The following S100PBP variants were observed in gnomAD, a reference collection of about 807,000 sequenced individuals.
S100PBP encodes the protein S100P binding protein, also known as S100P-binding protein.
Under a neutral mutation model 39.9 loss-of-function variants are expected in S100PBP, and 15 were observed. The ratio of observed to expected loss-of-function variants is 0.38; its 90% CI spans 0.25 to 0.58. S100PBP has a LOEUF of 0.58. Among genes scored for constraint, S100PBP ranks in the 20% least tolerant of loss-of-function variants. The pLI, the probability that S100PBP is intolerant of heterozygous loss-of-function variation, is 0.70. For synonymous variants in S100PBP, 178 were observed against 180.3 expected (o/e 0.99, Z 0.10); for missense variants, 504 against 487.3 (o/e 1.03, Z -0.32).
rs977370220 is a variant in S100PBP at position 32,823,673 on chromosome 1, C to T, written c.-119-1640C>T. Among the ~76,000 whole-genome samples the T allele has an allele frequency of 2.0e-5, 3 of 152,306 alleles. No individual in the cohort carries two copies. The East Asian group carries it at 5.8e-4, about 29-fold the overall frequency. The stretch of plus-strand genomic sequence containing the variant: ...CTAATTCTAGAACTCTATAATCCCT[C>T]CCTTTGCTTCTCTTTCTCTAGTACT... On this transcript the variant is annotated intron_variant, in intron 1 of 6. Coordinates refer to ENST00000373475, the MANE Select transcript of S100PBP (RefSeq NM_022753.4).
At chr1:32,833,827 A>C (rs1254378459) in intron 5 of S100PBP, among the ~76,000 whole-genome samples, 1 of 152,180 alleles carries the variant, frequency 6.6e-6, no homozygotes, top group Non-Finnish European at 1.5e-5. Context: ...ACATATTAAT[A>C]GTTTATAATC....
At chr1:32,843,202 T>C (rs1247865900) in intron 5 of S100PBP, 1 of 152,238 alleles carries the variant, frequency 6.6e-6, no homozygotes, top group African/African-American at 2.4e-5. Context: ...GTTATCTTAT[T>C]GTCAGCAAAT....
chr1:32,836,920 A>G (rs946665583), intron 5 of S100PBP: 1 of 152,082 alleles, frequency 6.6e-6, no homozygotes, highest in Non-Finnish European at 1.5e-5. Context: ...AAAATTCTAA[A>G]TTTAAAATCA....
chr1:32,827,700 C>T (rs1477452401), intron 3 of S100PBP, among the ~76,000 whole-genome samples: 9 of 151,040 alleles, frequency 6.0e-5, no homozygotes, highest in African/African-American at 9.8e-5. Flanking sequence ...AGGATGGTCT[C>T]GAACTCCTGA....
At chr1:32,854,115 G>A (rs898944743) in intron 6 of S100PBP, among the ~76,000 whole-genome samples, 1 of 151,804 alleles carries the variant, frequency 6.6e-6, no homozygotes, top group Admixed American at 6.6e-5. Flanking sequence ...AAAAACCTTG[G>A]AATCATCTTT....
At chr1:32,842,236 T>C (rs1746660) in intron 5 of S100PBP, among the ~76,000 whole-genome samples, 1,200 of 80,844 alleles carry the variant, frequency 0.015, 16 homozygotes, top group Middle Eastern at 0.053. Context: ...TATATATATA[T>C]ACACACACAC....
chr1:32,834,021 C>T (rs1054170134), intron 5 of S100PBP: 3 of 326,970 alleles, frequency 9.2e-6, no homozygotes, highest in Admixed American at 4.0e-5. Flanking sequence ...ATGTACAATT[C>T]TTATTTCTAT....
chr1:32,827,783 GTTTTTTTT>G (rs35149609), intron 3 of S100PBP, among the ~76,000 whole-genome samples: 3 of 130,426 alleles, frequency 2.3e-5, no homozygotes, highest in African/African-American at 5.7e-5. Context: ...ACCTGGCCAG[GTTTTTTTT>G]TTTTTTTTTT....
At chr1:32,832,441 T>G (rs547587160) in intron 5 of S100PBP, among the ~76,000 whole-genome samples, 16 of 152,360 alleles carry the variant, frequency 1.1e-4, no homozygotes, top group Non-Finnish European at 2.1e-4. Context: ...ATTAAAAAGT[T>G]GTTTTTTAAG....
At chr1:32,847,828 C>A (rs1400397673) in intron 5 of S100PBP, 1 of 151,968 alleles carries the variant, frequency 6.6e-6, no homozygotes. Flanking sequence ...CACATTTTTT[C>A]TTTCCTTCTC....
Position 32,858,098 on chromosome 1 carries a change from T to A in S100PBP, c.*2060T>A, listed in dbSNP as rs1280684592. 1.3e-5 allele frequency: 2 copies of A among 152,454 alleles called. No homozygotes were observed. The highest frequency in any genetic ancestry group is 6.5e-5 in the Admixed American group (1 of 15,280). The allele number at this position is 152,454 out of a possible 1,614,324, so 9.4% of individuals were successfully genotyped here. On this transcript the variant is annotated 3_prime_UTR_variant, in exon 7 of 7. Transcript: ENST00000373475. ...GGACCATAGCATAGTTAAAATTAAA[T>A]GTAGTTGGAATAGCTAGCATTGCAG...
At chr1:32,848,231 C>T (rs1159458084) in intron 5 of S100PBP, among the ~76,000 whole-genome samples, 3 of 152,028 alleles carry the variant, frequency 2.0e-5, no homozygotes, top group Admixed American at 6.6e-5. Flanking sequence ...TGCTTGAAAC[C>T]GGAAGGCAGA....
Position 32,831,150 on chromosome 1 carries a change from C to T in S100PBP, c.1024+1083C>T, listed in dbSNP as rs764872502. On this transcript the variant is annotated intron_variant, in intron 5 of 6. Transcript: ENST00000373475. ...AGCAAACTTTCTCGAGTATTTCAGT[C>T]GTGGTAGTTTTGAAGATAAGGAATT... 9.2e-5 allele frequency among the ~76,000 whole-genome samples: 14 copies of T among 151,542 alleles called. 1 individual carries two copies. Among genetic ancestry groups the T allele is most frequent in the Middle Eastern group, 6.9e-3 (2 of 290 alleles).
chr1:32,821,156 T>C (rs1029532723), intron 1 of S100PBP, among the ~76,000 whole-genome samples: 1 of 152,064 alleles, frequency 6.6e-6, no homozygotes, highest in Admixed American at 6.6e-5. Flanking sequence ...AAATAAAACA[T>C]TGGCCGGGCG....
At chr1:32,851,690 GAAAAA>G (rs759496427) in intron 5 of S100PBP, among the ~76,000 whole-genome samples, 1 of 150,320 alleles carries the variant, frequency 6.7e-6, no homozygotes, top group Admixed American at 6.6e-5. Context: ...ACAAAAAAAA[GAAAAA>G]AAAAGTGTTT....
chr1:32,828,328 A>G lies in S100PBP; in HGVS notation c.920+247A>G, dbSNP rs1639432091. ...CTTGACAGGGTTATTTTGAAAGCAA[A>G]ATAGACATATTAGCGAAAACACTAC... On this transcript the variant is annotated intron_variant, in intron 4 of 6. Transcript: ENST00000373475. Among the ~76,000 whole-genome samples the G allele has an allele frequency of 2.0e-5, 3 of 152,072 alleles. No homozygotes were observed. The South Asian group carries it at 6.2e-4, about 31-fold the overall frequency.
At chr1:32,827,331 T>C (rs542297118) in intron 3 of S100PBP, among the ~76,000 whole-genome samples, 2 of 152,246 alleles carry the variant, frequency 1.3e-5, no homozygotes, top group Non-Finnish European at 2.9e-5. Context: ...CTTCAGCCTA[T>C]GTCTCAATCT....
Position 32,858,070 on chromosome 1 carries a change from T to G in S100PBP, c.*2032T>G, listed in dbSNP as rs1308549072. On this transcript the variant is annotated 3_prime_UTR_variant, in exon 7 of 7. Transcript: ENST00000373475. Reference sequence around the variant, plus strand: ...AGTGAGACATGCCAAACATCCACCTTTGGGACCATAGCATAGTTAAAATTA... The same window carrying G: ...AGTGAGACATGCCAAACATCCACCTGTGGGACCATAGCATAGTTAAAATTA... 6.6e-6 allele frequency: 1 copy of G among 152,222 alleles called. No individual in the cohort carries two copies. The highest frequency in any genetic ancestry group is 2.4e-5 in the African/African-American group (1 of 41,446). The allele number at this position is 152,222 out of a possible 1,614,324, so 9.4% of individuals were successfully genotyped here.
At chr1:32,820,152 T>A in intron 1 of S100PBP, among the ~76,000 whole-genome samples, 1 of 145,294 alleles carries the variant, frequency 6.9e-6, no homozygotes. Context: ...TGCTTTTTTT[T>A]TTTTTTTTTT....
Sources: gnomAD v4.1 joint callset for allele counts (sites outside exome capture counted in the v4.1 genomes callset) on GRCh38, gnomAD v4.1.1 for gene constraint, MANE v1.5 for transcripts, NCBI Gene and HGNC (gene_info 2026-07-23, HGNC 2026-07-21) for gene names.